Variants in STARD9 observed in about 807,000 individuals in gnomAD.
STARD9 encodes stAR-related lipid transfer protein 9.
STARD9 carries 346 observed loss-of-function variants against 399.8 expected under a neutral mutation model. The ratio of observed to expected loss-of-function variants is 0.87; its 90% confidence interval spans 0.79 to 0.95. STARD9 has a LOEUF of 0.95. Among genes scored for constraint, STARD9 ranks in the 40% least tolerant of loss-of-function variants. The probability of loss-of-function intolerance (pLI) is 0.00; values close to 1 mark genes in which losing one functional copy is unlikely to be tolerated. For missense variants in STARD9, 5,832 were observed against 5,667.5 expected, an observed-to-expected ratio of 1.03 and a Z score of -0.93; for synonymous variants, 2,203 against 2,143.5, an observed-to-expected ratio of 1.03 and a Z score of -0.77.
At chr15:42,605,261 T>G (rs1329614092) in intron 3 of STARD9, among the ~76,000 whole-genome samples, 1 of 152,226 alleles carries the variant, frequency 6.6e-6, no homozygotes, top group Non-Finnish European at 1.5e-5. Flanking sequence ...ATGTTTGAAC[T>G]ACAGCGAAAA....
intron 26 of STARD9, among the ~76,000 whole-genome samples, chr15:42,710,915 G>T (rs78261202): frequency 1.3e-5 from 1 of 75,878 alleles, no homozygotes; most frequent in Non-Finnish European, 2.2e-5. Flanking sequence ...CTCTCTCTCT[G>T]TGTGTGTGTG....
Position 42,689,502 on chromosome 15 carries a change from C to CT in STARD9, c.7925dup (p.Ser2643ValfsTer6). On this transcript the variant is annotated frameshift_variant, in exon 23 of 33. Transcript: ENST00000290607. LOFTEE classifies it high-confidence loss of function. ...TGAGAGGAAAGTCCAGGCCACATCT[C>CT]TGTCTGCAGACAGCTTTGAATCTCT... 6.5e-7 allele frequency: 1 copy of CT among 1,537,342 alleles called. No homozygotes were observed. Among genetic ancestry groups the CT allele is most frequent in the Non-Finnish European group, 8.7e-7 (1 of 1,146,930 alleles).
intron 26 of STARD9, among the ~76,000 whole-genome samples, chr15:42,703,091 AGCCTATTT>A (rs1488543187): frequency 1.3e-5 from 2 of 152,134 alleles, no homozygotes; most frequent in Non-Finnish European, 2.9e-5. Flanking sequence ...CACCACACCT[AGCCTATTT>A]GCTTCTCTTC....
At chr15:42,637,319 C>T (rs868613196) in intron 4 of STARD9, among the ~76,000 whole-genome samples, 1 of 151,998 alleles carries the variant, frequency 6.6e-6, no homozygotes, top group Non-Finnish European at 1.5e-5. Flanking sequence ...TTCAAGTGAT[C>T]CTCCCACCTT....
chr15:42,709,416 G>A (rs941016896), intron 26 of STARD9, among the ~76,000 whole-genome samples: 2 of 152,178 alleles, frequency 1.3e-5, no homozygotes, highest in African/African-American at 4.8e-5. Flanking sequence ...GCTGGGCAAG[G>A]TGGCTCACGC....
At chr15:42,586,128 A>G (rs948542532) in intron 3 of STARD9, among the ~76,000 whole-genome samples, 1 of 152,212 alleles carries the variant, frequency 6.6e-6, no homozygotes, top group Non-Finnish European at 1.5e-5. Context: ...GAGCCTCCTC[A>G]TGATTCAGGT....
intron 7 of STARD9, among the ~76,000 whole-genome samples, chr15:42,642,007 C>G (rs1489325160): frequency 1.3e-5 from 2 of 152,080 alleles, no homozygotes; most frequent in African/African-American, 4.8e-5. Context: ...TCATCATCAC[C>G]CTCTGATGAG....
At chr15:42,694,413 A>G (rs1451506339) in intron 23 of STARD9, 71 bp downstream of exon 23, 7 of 1,527,698 alleles carry the variant, frequency 4.6e-6, no homozygotes, top group Non-Finnish European at 6.1e-6. Flanking sequence ...AAGAAAGCTA[A>G]TAGCTTGCTG....
intron 26 of STARD9, among the ~76,000 whole-genome samples, chr15:42,712,081 T>TA (rs57090140): frequency 0.045 from 1,772 of 39,068 alleles, 443 homozygotes; most frequent in African/African-American, 0.37. Context: ...TATATATATA[T>TA]TATATATATA....
intron 7 of STARD9, among the ~76,000 whole-genome samples, chr15:42,643,309 G>C (rs1158961491): frequency 1.3e-5 from 2 of 152,024 alleles, no homozygotes; most frequent in African/African-American, 4.8e-5. Flanking sequence ...TAATTCTGCT[G>C]CCTCAGCCTC....
Position 42,687,167 on chromosome 15 carries a change from A to G in STARD9, c.5589A>G (p.Thr1863=). 6.5e-7 allele frequency: 1 copy of G among 1,533,342 alleles called. No homozygotes were observed. The highest frequency in any genetic ancestry group is 8.7e-7 in the Non-Finnish European group (1 of 1,143,632). The allele number at this position is 1,533,342 out of a possible 1,614,324, so 95.0% of individuals were successfully genotyped here. The change falls in exon 23 of 33, where the codon ACA becomes ACG. Residue 1863 remains threonine (T), a synonymous_variant. Coordinates refer to ENST00000290607, the MANE Select transcript of STARD9 (RefSeq NM_020759.3). ...GACATTTTCTCCCCTCTACCAGCAC[A>G]AAAGTATGTGAATTTGAAAACCAAG... ...QNRHFLPSTS[T]KVCEFENQVV...
At chr15:42,676,698 T>C (rs2060318120) in intron 20 of STARD9, among the ~76,000 whole-genome samples, 1 of 152,138 alleles carries the variant, frequency 6.6e-6, no homozygotes, top group Non-Finnish European at 1.5e-5. Context: ...TGGGAGTCCT[T>C]CTATTCCTGT....
At chr15:42,579,307 G>C (rs2058121542) in intron 1 of STARD9, among the ~76,000 whole-genome samples, 2 of 152,130 alleles carry the variant, frequency 1.3e-5, no homozygotes, top group African/African-American at 4.8e-5. Context: ...AGCTCCTGGG[G>C]GATGAGAGGA....
At chr15:42,666,506 C>T (rs1302291646) in intron 15 of STARD9, among the ~76,000 whole-genome samples, 2 of 152,140 alleles carry the variant, frequency 1.3e-5, no homozygotes, top group African/African-American at 2.4e-5. Context: ...AAGCACACAC[C>T]GTGAGGAAGA....
intron 3 of STARD9, among the ~76,000 whole-genome samples, chr15:42,598,036 G>GTGTGTGTA (rs1555388952): frequency 1.5e-4 from 22 of 149,154 alleles, no homozygotes. Context: ...GTGTGTGTGT[G>GTGTGTGTA]TGTGTATGTG....
chr15:42,602,819 A>G (rs142775456), intron 3 of STARD9, among the ~76,000 whole-genome samples: 31 of 152,286 alleles, frequency 2.0e-4, no homozygotes, highest in African/African-American at 7.0e-4. Flanking sequence ...TGAAGTTACA[A>G]AGTTGCAAAT....
In STARD9 at chr15:42,638,928, G is replaced by A. The variant is rs940030989; in HGVS notation, c.559+116G>A. 7.4e-6 allele frequency: 4 copies of A among 543,800 alleles called. No individual in the cohort carries two copies. In the Admixed American group the frequency reaches 1.3e-4, roughly 17 times the overall value. 33.7% of individuals were successfully genotyped at this position (543,800 alleles called of 1,614,324 possible). A position where few individuals can be genotyped will look rare whatever the true frequency, so the allele number is the denominator to read the frequency against. On this transcript the variant is annotated intron_variant, in intron 7 of 32. Coordinates refer to ENST00000290607, the MANE Select transcript of STARD9 (RefSeq NM_020759.3). ...GAACACTTATCGTGTGCCAGCTACT[G>A]TACTAGACACTGAATATGTATTGAT...
chr15:42,623,274 A>G (rs2059128629), intron 3 of STARD9, among the ~76,000 whole-genome samples: 2 of 152,158 alleles, frequency 1.3e-5, no homozygotes, highest in South Asian at 2.1e-4. Context: ...GATGCCGATC[A>G]AATGCCAACA....
chr15:42,670,676 T>C (rs1392553463), intron 16 of STARD9: 1 of 152,234 alleles, frequency 6.6e-6, no homozygotes, highest in Non-Finnish European at 1.5e-5. Context: ...GCAGGGCATA[T>C]GGAAGTGAGA....
Sources: allele counts gnomAD v4.1 joint callset (sites outside exome capture counted in the v4.1 genomes callset), GRCh38; gene constraint gnomAD v4.1.1; transcripts MANE v1.5; gene names NCBI Gene and HGNC (gene_info 2026-07-23, HGNC 2026-07-21).